The following NUDCD3 variants were observed in gnomAD, a reference collection of about 807,000 sequenced individuals.
The protein encoded by NUDCD3 is NudC domain containing 3.
A neutral mutation model predicts 39.7 loss-of-function variants in NUDCD3; 13 were observed. The ratio of observed to expected loss-of-function variants is 0.33; its 90% CI spans 0.21 to 0.52. NUDCD3 has a LOEUF of 0.52. Ranked by LOEUF, NUDCD3 falls within the 20% of genes least tolerant of loss-of-function variation. The pLI is 0.96. For synonymous variants in NUDCD3, 175 were observed against 172.4 expected, an observed-to-expected ratio of 1.02 and a Z score of -0.12; for missense variants, 453 against 458.1, an observed-to-expected ratio of 0.99 and a Z score of 0.10.
chr7:44,415,114 G>A (rs1798996091), intron 3 of NUDCD3, among the ~76,000 whole-genome samples: 1 of 152,170 alleles, frequency 6.6e-6, no homozygotes, highest in Non-Finnish European at 1.5e-5. Context: ...CGGGACCTTG[G>A]TTCTGGTCTA....
At chr7:44,448,959 G>A (rs1007965586) in intron 2 of NUDCD3, among the ~76,000 whole-genome samples, 1 of 152,184 alleles carries the variant, frequency 6.6e-6, no homozygotes, top group Non-Finnish European at 1.5e-5. Context: ...TCTTCCTAGA[G>A]AAAGGAGGTC....
intron 5 of NUDCD3, among the ~76,000 whole-genome samples, chr7:44,391,952 T>C (rs1052823630): frequency 7.9e-5 from 12 of 152,086 alleles, no homozygotes; most frequent in African/African-American, 2.9e-4. Context: ...CGACTCTTCA[T>C]GGGAAGATAT....
chr7:44,386,209 C>A, intron 5 of NUDCD3, 88 bp from the exon 6 acceptor site: 1 of 1,420,654 alleles, frequency 7.0e-7, no homozygotes, highest in Admixed American at 1.9e-5. Context: ...GGTAGAGAGC[C>A]TTCTTGCTTC....
intron 2 of NUDCD3, among the ~76,000 whole-genome samples, chr7:44,458,936 C>CTGTGTGTGTGTGTGTGTGTGTG (rs55947411): frequency 1.3e-4 from 15 of 116,062 alleles, no homozygotes; most frequent in South Asian, 3.3e-4. Flanking sequence ...ACGGGGAGTG[C>CTGTGTGTGTGTGTGTGTGTGTG]TGTGTGTGTG....
At chr7:44,432,360 C>A (rs901502905) in intron 2 of NUDCD3, among the ~76,000 whole-genome samples, 1 of 152,132 alleles carries the variant, frequency 6.6e-6, no homozygotes, top group Admixed American at 6.5e-5. Context: ...AAAAGGAGGT[C>A]AAAGACCTAA....
intron 2 of NUDCD3, among the ~76,000 whole-genome samples, chr7:44,463,229 C>T (rs1460458545): frequency 1.3e-5 from 2 of 152,106 alleles, no homozygotes; most frequent in African/African-American, 4.8e-5. Flanking sequence ...ATGGAATGAC[C>T]TCCTGCCCCT....
At chr7:44,453,495 T>C (rs2116938039) in intron 2 of NUDCD3, among the ~76,000 whole-genome samples, 1 of 152,306 alleles carries the variant, frequency 6.6e-6, no homozygotes, top group East Asian at 1.9e-4. Context: ...TAAATCATTT[T>C]TAAGAATTTT....
chr7:44,402,629 C>T (rs1441109759), intron 4 of NUDCD3: 2 of 456,410 alleles, frequency 4.4e-6, no homozygotes, highest in Middle Eastern at 3.2e-4. Context: ...GGACCACACA[C>T]GGGGTTGCTC....
chr7:44,451,952 T>C (rs1485036906), intron 2 of NUDCD3, among the ~76,000 whole-genome samples: 1 of 152,032 alleles, frequency 6.6e-6, no homozygotes, highest in Non-Finnish European at 1.5e-5. Flanking sequence ...AGGCCATTTG[T>C]GGAGAAAAGT....
intron 2 of NUDCD3, among the ~76,000 whole-genome samples, chr7:44,431,704 A>C (rs1300683865): frequency 1.7e-5 from 2 of 117,870 alleles, no homozygotes; most frequent in Admixed American, 1.2e-4. Flanking sequence ...ACGGAGTCTC[A>C]CTCTGTCACC....
At chr7:44,451,708 G>C (rs1799796864) in intron 2 of NUDCD3, among the ~76,000 whole-genome samples, 1 of 151,976 alleles carries the variant, frequency 6.6e-6, no homozygotes, top group Non-Finnish European at 1.5e-5. Context: ...TTGTGGTGAT[G>C]GTTTCATAGG....
chr7:44,411,389 T>A (rs987319957), intron 3 of NUDCD3, among the ~76,000 whole-genome samples: 1 of 151,768 alleles, frequency 6.6e-6, no homozygotes, highest in Non-Finnish European at 1.5e-5. Flanking sequence ...CTGACAAGGG[T>A]GTAGTATCCA....
intron 1 of NUDCD3, 31 bp downstream of exon 1, chr7:44,490,378 G>C (rs1385699119): frequency 6.7e-7 from 1 of 1,494,736 alleles, no homozygotes; most frequent in Admixed American, 2.3e-5. Context: ...GGGGGCGGCG[G>C]CTCCCCAGAC....
intron 3 of NUDCD3, among the ~76,000 whole-genome samples, chr7:44,418,999 T>C (rs972435886): frequency 2.0e-5 from 3 of 152,156 alleles, no homozygotes; most frequent in African/African-American, 4.8e-5. Context: ...GGGCAGACAC[T>C]GAGCTAGCTG....
At chr7:44,455,665 T>C (rs1397194439) in intron 2 of NUDCD3, among the ~76,000 whole-genome samples, 3 of 152,044 alleles carry the variant, frequency 2.0e-5, no homozygotes, top group African/African-American at 7.2e-5. Context: ...TAAATGTGAG[T>C]GTAAGAACAC....
intron 2 of NUDCD3, among the ~76,000 whole-genome samples, chr7:44,441,570 G>GT (rs1328629840): frequency 6.6e-6 from 1 of 152,086 alleles, no homozygotes; most frequent in East Asian, 1.9e-4. Context: ...CCCAGCCTCT[G>GT]TTCAGTCTCT....
In NUDCD3 at chr7:44,382,742, C is replaced by T. The variant is rs1445914596; in HGVS notation, c.*3269G>A. 1.3e-5 allele frequency: 2 copies of T among 152,352 alleles called. No individual in the cohort carries two copies. The highest frequency in any genetic ancestry group is 2.1e-4 in the South Asian group (1 of 4,834). 9.4% of individuals were successfully genotyped at this position (152,352 alleles called of 1,614,324 possible). A position where few individuals can be genotyped will look rare whatever the true frequency, so the allele number is the denominator to read the frequency against. On this transcript the variant is annotated 3_prime_UTR_variant, in exon 6 of 6. Coordinates refer to ENST00000355451, the MANE Select transcript of NUDCD3 (RefSeq NM_015332.4). ...GACAAAGCGAGTCATGCTGTCCCTT[C>T]CCCAGCTGAGCTGGCTGCCAACAGG...
chr7:44,436,851 T>C (rs1209832339), intron 2 of NUDCD3, among the ~76,000 whole-genome samples: 1 of 152,196 alleles, frequency 6.6e-6, no homozygotes, highest in Non-Finnish European at 1.5e-5. Flanking sequence ...TAGTTATAAG[T>C]TGTTGTCATA....
At chr7:44,474,981 G>A (rs1800333526) in intron 2 of NUDCD3, among the ~76,000 whole-genome samples, 1 of 152,170 alleles carries the variant, frequency 6.6e-6, no homozygotes, top group South Asian at 2.1e-4. Flanking sequence ...GAAACAGACA[G>A]ACATCCCTCA....
Sources: gnomAD v4.1 joint callset for allele counts (sites outside exome capture counted in the v4.1 genomes callset) on GRCh38, gnomAD v4.1.1 for gene constraint, MANE v1.5 for transcripts, NCBI Gene and HGNC (gene_info 2026-07-23, HGNC 2026-07-21) for gene names.